The following USP34 variants were observed in gnomAD, a reference collection of about 807,000 sequenced individuals.
USP34 encodes the protein ubiquitin specific peptidase 34, also known as ubiquitin carboxyl-terminal hydrolase 34.
In USP34, 70 loss-of-function variants were observed where a neutral mutation model predicts 460.3. The observed-to-expected ratio is 0.15, with a 90% CI of 0.13 to 0.19. The LOEUF is 0.19. USP34 is among the 10% of genes least tolerant of loss of function. USP34 has a pLI of 1.00. For synonymous variants in USP34, 1,647 were observed against 1,405.3 expected (o/e 1.17, Z -3.85); for missense variants, 3,985 against 4,236.2 (o/e 0.94, Z 1.65).
At chr2:61,418,539 C>T (rs1044293606) in intron 2 of USP34, among the ~76,000 whole-genome samples, 1 of 152,136 alleles carries the variant, frequency 6.6e-6, no homozygotes, top group Non-Finnish European at 1.5e-5. Flanking sequence ...TATCTCCACG[C>T]TAAGGTTCAC....
rs527486836 is a variant in USP34 at position 61,390,537 on chromosome 2, C to T, written c.753+4316G>A. Among the ~76,000 whole-genome samples the T allele has an allele frequency of 2.6e-5, 4 of 152,234 alleles. No individual in the cohort carries two copies. In the East Asian group the frequency reaches 7.7e-4, roughly 29 times the overall value. ...TGTGGGTGCAGCTGTTATTAAAGAA[C>T]GGATCCATATAATAGGTGGAATAAT... On this transcript the variant is annotated intron_variant, in intron 5 of 79. Transcript: ENST00000398571.
intron 2 of USP34, among the ~76,000 whole-genome samples, chr2:61,413,449 G>A (rs890735976): frequency 1.3e-5 from 2 of 149,960 alleles, no homozygotes; most frequent in East Asian, 2.0e-4. Flanking sequence ...GCTCACGCCT[G>A]TAATCCTAGC....
At chr2:61,222,772 C>CT in intron 64 of USP34, 109 bp from the exon 65 acceptor site, 1 of 989,068 alleles carries the variant, frequency 1.0e-6, no homozygotes. Context: ...TCACAGCTCA[C>CT]TGCAGCCTCC....
chr2:61,393,872 T>C (rs1693431700), intron 5 of USP34, among the ~76,000 whole-genome samples: 1 of 152,112 alleles, frequency 6.6e-6, no homozygotes, highest in African/African-American at 2.4e-5. Context: ...GCACAGTCGC[T>C]CACGCCTGTA....
chr2:61,282,814 A>AT (rs1689573064), intron 37 of USP34, among the ~76,000 whole-genome samples: 1 of 152,080 alleles, frequency 6.6e-6, no homozygotes. Context: ...GAAAAAAAAA[A>AT]GGCCACAGAA....
chr2:61,416,718 G>A (rs941603337), intron 2 of USP34, among the ~76,000 whole-genome samples: 4 of 149,964 alleles, frequency 2.7e-5, no homozygotes, highest in Admixed American at 6.8e-5. Flanking sequence ...CCCATTTTCT[G>A]AGTTAGTTTT....
At chr2:61,220,582 G>A (rs1687532367) in intron 66 of USP34, 125 bp from the exon 67 acceptor site, 2 of 915,730 alleles carry the variant, frequency 2.2e-6, no homozygotes, top group East Asian at 5.8e-5. Context: ...AGATTAAAAA[G>A]GTTTCACCCT....
intron 1 of USP34, among the ~76,000 whole-genome samples, chr2:61,468,435 G>T (rs911738430): frequency 1.3e-5 from 2 of 152,186 alleles, no homozygotes; most frequent in Non-Finnish European, 2.9e-5. Context: ...CGCCAACCTT[G>T]GCCTCGCAAA....
intron 37 of USP34, among the ~76,000 whole-genome samples, chr2:61,281,934 G>A (rs1236553717): frequency 6.6e-6 from 1 of 152,160 alleles, no homozygotes; most frequent in Non-Finnish European, 1.5e-5. Context: ...TGTCAAAATG[G>A]TTACCTGAGA....
intron 48 of USP34, among the ~76,000 whole-genome samples, chr2:61,254,393 C>T (rs1422773905): frequency 6.6e-6 from 1 of 152,180 alleles, no homozygotes; most frequent in African/African-American, 2.4e-5. Context: ...CACAGATAAA[C>T]CTAAAACTTG....
chr2:61,346,899 AG>A (rs1216579991), intron 15 of USP34, among the ~76,000 whole-genome samples: 1 of 146,308 alleles, frequency 6.8e-6, no homozygotes, highest in Non-Finnish European at 1.5e-5. Flanking sequence ...GCACTTTGGG[AG>A]GCCGAGGCGG....
At position 61,214,287 on chromosome 2, in the gene USP34, T is replaced by A. The variant is rs1261787726; in HGVS notation, c.8455A>T (p.Ile2819Phe). Residue 2819 changes from isoleucine (I) to phenylalanine (F), a missense_variant, in exon 68 of 80, where the codon ATT becomes TTT. Ile to Phe is a conservative substitution (Grantham distance 21). Transcript: ENST00000398571. ...CADCPENIRL[I>F]VQNPVVTKNI... ...TTGGTTACCACTGGGTTCTGAACAATAAGGCGGATATTCTCTGGACAGTCA... is the reference window on the plus strand; with the variant it reads ...TTGGTTACCACTGGGTTCTGAACAAAAAGGCGGATATTCTCTGGACAGTCA... 6.2e-7 allele frequency: 1 copy of A among 1,614,080 alleles called. No individual in the cohort carries two copies. The highest frequency in any genetic ancestry group is 1.3e-5 in the African/African-American group (1 of 74,914).
chr2:61,259,931 T>G lies in USP34; in HGVS notation c.5779-155A>C, dbSNP rs371131007. On this transcript the variant is annotated intron_variant, in intron 43 of 79. Transcript: ENST00000398571. ...CCAACACATTCAATTCTTTAGTAAT[T>G]ATAGCATTAAAAATTGTAATGCTTT... Among the ~76,000 whole-genome samples the G allele has an allele frequency of 1.8e-3, 272 of 152,344 alleles. 2 individuals are homozygous for G. The highest frequency in any genetic ancestry group is 6.2e-3 in the African/African-American group (259 of 41,580).
At chr2:61,228,757 TA>T (rs746553232) in intron 60 of USP34, 38 bp from the exon 61 acceptor site, 4 of 1,595,414 alleles carry the variant, frequency 2.5e-6, no homozygotes, top group Non-Finnish European at 3.4e-6. Context: ...AAATATAAAA[TA>T]AAAGCAATTA....
chr2:61,206,028 T>G lies in USP34; in HGVS notation c.9143A>C (p.Asn3048Thr). The G allele has an allele frequency of 6.2e-7, 1 of 1,613,044 alleles. No homozygotes were observed. The highest frequency in any genetic ancestry group is 8.5e-7 in the Non-Finnish European group (1 of 1,179,278). Residue 3048 changes from asparagine (N) to threonine (T), a missense_variant, in exon 72 of 80, where the codon AAT becomes ACT. Physicochemically the swap from Asn to Thr is moderately conservative, Grantham distance 65 (BLOSUM62 0). Around this residue, in one of 14 missense-constraint regions of USP34, gnomAD observed 275 missense variants for 292.7 expected, o/e 0.94. Coordinates refer to ENST00000398571, the MANE Select transcript of USP34 (RefSeq NM_014709.4). ...LNSYSPPELR[N>T]ACIDVLKELV... ...TTCAAGTAACTTACCTATACAGGCA[T>G]TTCTAAGTTCTGGAGGACTATAGGA...
At chr2:61,319,420 TAACAC>T (rs1264688439) in intron 21 of USP34, 93 bp from the exon 22 acceptor site, 1 of 825,494 alleles carries the variant, frequency 1.2e-6, no homozygotes, top group Non-Finnish European at 1.7e-6. Flanking sequence ...AGTCCTCACT[TAACAC>T]AGATAGGTTC....
At chr2:61,241,868 C>CA in intron 51 of USP34, 49 bp from the exon 52 acceptor site, 1 of 955,220 alleles carries the variant, frequency 1.0e-6, no homozygotes, top group Admixed American at 3.1e-5. Context: ...TGGGTATACT[C>CA]AGCTATATTT....
intron 30 of USP34, 97 bp from the exon 31 acceptor site, chr2:61,295,387 A>G (rs902479059): frequency 5.4e-6 from 7 of 1,294,802 alleles, no homozygotes; most frequent in Non-Finnish European, 7.2e-6. Flanking sequence ...AACTCAAAAT[A>G]TTATATATAC....
chr2:61,220,441 G>C lies in USP34; in HGVS notation c.7916C>G (p.Pro2639Arg). The change falls in exon 67 of 80, where the codon CCT (proline) becomes CGT (arginine). Residue 2639 changes from proline (P) to arginine (R), a missense_variant. Around this residue, in one of 14 missense-constraint regions of USP34, gnomAD observed 604 missense variants for 684.8 expected, o/e 0.88. Transcript: ENST00000398571. ...QRIWEVIEYN[P>R]SQCLDWLAVQ... ...TGCCAACCAATCTAGACACTGAGAA[G>C]GATTGTATTCAATCACCTACAAATA... 6.2e-7 allele frequency: 1 copy of C among 1,612,250 alleles called. No individual in the cohort carries two copies.
Sources: allele counts gnomAD v4.1 joint callset (sites outside exome capture counted in the v4.1 genomes callset), GRCh38; gene constraint gnomAD v4.1.1; regional missense constraint gnomAD v4.1.1; transcripts MANE v1.5; gene names NCBI Gene and HGNC (gene_info 2026-07-23, HGNC 2026-07-21).